Variants in ZNF680 observed in about 807,000 individuals in gnomAD.
The protein encoded by ZNF680 is zinc finger protein 680, also known as hypothetical protein FLJ90430.
In ZNF680, 6 loss-of-function variants were observed where a neutral mutation model predicts 12.1. The ratio of observed to expected loss-of-function variants is 0.49; its 90% CI spans 0.27 to 0.98. The LOEUF (loss-of-function observed/expected upper bound fraction) is 0.98, where lower values mean the gene tolerates loss of function less well. ZNF680 is among the 50% of genes least tolerant of loss of function. The probability of loss-of-function intolerance (pLI) is 0.12; values close to 1 mark genes in which losing one functional copy is unlikely to be tolerated. For missense variants in ZNF680, 561 were observed against 616.3 expected, an observed-to-expected ratio of 0.91 and a Z score of 0.95; for synonymous variants, 170 against 199.3, an observed-to-expected ratio of 0.85 and a Z score of 1.24.
intron 1 of ZNF680, among the ~76,000 whole-genome samples, chr7:64,562,050 T>G (rs887260928): frequency 6.7e-6 from 1 of 150,202 alleles, no homozygotes. Flanking sequence ...CTGTCCAACA[T>G]GGTGAAACCC....
At chr7:64,512,644 CTG>C in the ZNF680 span, among the ~76,000 whole-genome samples, 1 of 152,038 alleles carries the variant, frequency 6.6e-6, no homozygotes, top group Admixed American at 6.6e-5. Context: ...TCCCTAAAAA[CTG>C]TATTCCTAGC....
the ZNF680 span, chr7:64,501,854 C>G: frequency 3.7e-6 from 2 of 538,346 alleles, no homozygotes; most frequent in Non-Finnish European, 6.9e-6. Flanking sequence ...CCTTGTCTTT[C>G]CCATGTTAAT....
intron 3 of ZNF680, among the ~76,000 whole-genome samples, chr7:64,537,842 A>C (rs921807651): frequency 9.9e-5 from 15 of 152,222 alleles, no homozygotes; most frequent in African/African-American, 3.1e-4. Flanking sequence ...AGGCAGGAGA[A>C]TGACGTGAAC....
At chr7:64,542,849 C>G (rs746925327) in intron 3 of ZNF680, among the ~76,000 whole-genome samples, 2 of 152,084 alleles carry the variant, frequency 1.3e-5, no homozygotes. Flanking sequence ...TAGGAACCTG[C>G]CACCATGCCA....
chr7:64,544,155 T>A lies in ZNF680; in HGVS notation c.157+151A>T, dbSNP rs1471796204. On this transcript the variant is annotated intron_variant, in intron 2 of 3. Transcript: ENST00000309683. ...TCAAGATGAAACGTACTGAAGGAAT[T>A]TTTTTCTACATGGACAAAGCTCAAA... 6 of 1,228,922 alleles carry A rather than the reference T, an allele frequency of 4.9e-6. No homozygotes were observed. In the East Asian group the frequency reaches 1.6e-4, roughly 33 times the overall value. The allele number at this position is 1,228,922 out of a possible 1,614,324, so 76.1% of individuals were successfully genotyped here.
chr7:64,500,371 T>C, the ZNF680 span, among the ~76,000 whole-genome samples: 5 of 151,880 alleles, frequency 3.3e-5, no homozygotes, highest in African/African-American at 1.2e-4. Flanking sequence ...ATATCTAAGG[T>C]ATGGAAGCAA....
intron 3 of ZNF680, among the ~76,000 whole-genome samples, chr7:64,533,473 C>A (rs1785993427): frequency 6.6e-6 from 1 of 151,896 alleles, no homozygotes; most frequent in African/African-American, 2.4e-5. Context: ...CATGAAAGAC[C>A]TCTACAAGGA....
chr7:64,543,632 A>T, intron 3 of ZNF680, 75 bp downstream of exon 3: 1 of 1,302,582 alleles, frequency 7.7e-7, no homozygotes. Flanking sequence ...ATCCCATGTC[A>T]AGAACTGACT....
intron 3 of ZNF680, chr7:64,526,434 A>G (rs1288280189): frequency 6.7e-7 from 1 of 1,495,918 alleles, no homozygotes; most frequent in Non-Finnish European, 9.0e-7. Context: ...TTATTTCTGT[A>G]ATCCCACATC....
the ZNF680 span, chr7:64,501,245 A>T: frequency 1.1e-6 from 1 of 899,552 alleles, no homozygotes; most frequent in Non-Finnish European, 1.9e-6. Flanking sequence ...TGCCCAGCAC[A>T]TTTTCCTCCT....
chr7:64,501,997 C>CTTTTTTT, the ZNF680 span, among the ~76,000 whole-genome samples: 110 of 104,462 alleles, frequency 1.1e-3, 1 homozygote, highest in Non-Finnish European at 1.2e-3. Context: ...GGACGTATTT[C>CTTTTTTT]TTTTTTTTTT....
intron 3 of ZNF680, among the ~76,000 whole-genome samples, chr7:64,536,783 T>C (rs1786190701): frequency 6.6e-6 from 1 of 152,202 alleles, no homozygotes; most frequent in Non-Finnish European, 1.5e-5. Flanking sequence ...AATTTAACAA[T>C]AACAACTGGG....
At chr7:64,530,868 A>ATT (rs1562747165) in intron 3 of ZNF680, among the ~76,000 whole-genome samples, 25 of 149,004 alleles carry the variant, frequency 1.7e-4, no homozygotes, top group African/African-American at 5.9e-4. Flanking sequence ...AAAAAAAAAA[A>ATT]TTTAAAAATA....
chr7:64,532,348 A>G (rs185776887), intron 3 of ZNF680, among the ~76,000 whole-genome samples: 2 of 152,222 alleles, frequency 1.3e-5, no homozygotes, highest in African/African-American at 2.4e-5. Flanking sequence ...AATAACCTCA[A>G]TAAGAAACAA....
chr7:64,523,447 A>G (rs1182841332), intron 3 of ZNF680, among the ~76,000 whole-genome samples: 2 of 152,110 alleles, frequency 1.3e-5, no homozygotes, highest in Non-Finnish European at 2.9e-5. Flanking sequence ...ACAAAAATCA[A>G]CAAGACACCA....
At chr7:64,510,803 G>A in the ZNF680 span, among the ~76,000 whole-genome samples, 204 of 128,842 alleles carry the variant, frequency 1.6e-3, 12 homozygotes, top group African/African-American at 5.6e-3. Flanking sequence ...CCAGCTACTC[G>A]GGAGGCTGAG....
intron 1 of ZNF680, among the ~76,000 whole-genome samples, chr7:64,548,506 A>G (rs1378524478): frequency 1.3e-5 from 2 of 152,210 alleles, no homozygotes; most frequent in Non-Finnish European, 2.9e-5. Flanking sequence ...GCCACATAAA[A>G]TGGAAGCAAT....
intron 3 of ZNF680, chr7:64,526,201 GA>G: frequency 4.1e-6 from 4 of 987,006 alleles, no homozygotes; most frequent in Non-Finnish European, 3.7e-6. Context: ...AGAATGTAGG[GA>G]AAAAGTAATG....
At chr7:64,550,150 CAG>C (rs372013519) in intron 1 of ZNF680, among the ~76,000 whole-genome samples, 209 of 152,270 alleles carry the variant, frequency 1.4e-3, no homozygotes, top group African/African-American at 4.6e-3. Context: ...AATAGAGGGA[CAG>C]AGAGTGGACT....
Sources: allele counts gnomAD v4.1 joint callset (sites outside exome capture counted in the v4.1 genomes callset), GRCh38; gene constraint gnomAD v4.1.1; transcripts MANE v1.5; gene names NCBI Gene and HGNC (gene_info 2026-07-23, HGNC 2026-07-21).